NFIA: variants seen among roughly 807,000 people sequenced by gnomAD.
NFIA encodes nuclear factor I A.
A neutral mutation model predicts 62.8 loss-of-function variants in NFIA; 8 were observed. The observed-to-expected ratio is 0.13, with a 90% CI of 0.07 to 0.23. NFIA has a LOEUF of 0.23. NFIA is among the 10% of genes least tolerant of loss of function. NFIA has a pLI of 1.00. For synonymous variants in NFIA, 235 were observed against 238.1 expected (o/e 0.99, Z 0.12); for missense variants, 410 against 642.1 (o/e 0.64, Z 3.91).
intron 3 of NFIA, among the ~76,000 whole-genome samples, chr1:61,282,972 A>T (rs1183011466): frequency 6.6e-6 from 1 of 152,204 alleles, no homozygotes; most frequent in Non-Finnish European, 1.5e-5. Context: ...GGGTCTTTGC[A>T]ATCAGTGGAA....
intron 2 of NFIA, among the ~76,000 whole-genome samples, chr1:61,260,447 G>A (rs1373515294): frequency 3.3e-5 from 5 of 152,204 alleles, no homozygotes; most frequent in African/African-American, 1.2e-4. Context: ...ACAGAGCTTG[G>A]TGAGCCTTTT....
intron 2 of NFIA, among the ~76,000 whole-genome samples, chr1:61,174,599 C>G (rs563030451): frequency 2.6e-5 from 4 of 152,196 alleles, no homozygotes; most frequent in Non-Finnish European, 5.9e-5. Context: ...TGCTCCAAAA[C>G]TACTGAGTAG....
At chr1:61,443,892 T>G (rs966363933) in intron 10 of NFIA, among the ~76,000 whole-genome samples, 1 of 152,178 alleles carries the variant, frequency 6.6e-6, no homozygotes, top group Non-Finnish European at 1.5e-5. Context: ...CTCTCCAGAT[T>G]GGTTCCCTGT....
At chr1:61,206,040 C>T (rs909679406) in intron 2 of NFIA, among the ~76,000 whole-genome samples, 1 of 151,750 alleles carries the variant, frequency 6.6e-6, no homozygotes, top group Non-Finnish European at 1.5e-5. Context: ...CTCAGCCTCC[C>T]GAGTAGCTGG....
intron 2 of NFIA, among the ~76,000 whole-genome samples, chr1:61,188,116 C>T (rs1200803396): frequency 6.6e-6 from 1 of 151,960 alleles, no homozygotes; most frequent in Non-Finnish European, 1.5e-5. Context: ...GGTGCGATCT[C>T]GGCTCACTGC....
rs140596940 is a variant in NFIA, at chr1:61,172,636, G to C, written c.559+83956G>C. Among the ~76,000 whole-genome samples the C allele has an allele frequency of 9.2e-3, 1,395 of 152,290 alleles. 17 individuals are homozygous for C. Among genetic ancestry groups the C allele is most frequent in the Middle Eastern group, 0.061 (18 of 294 alleles). ...AGCCCTGTGTTCTAGACTAGGGAAG[G>C]TCAGCTCTTTTTATAGTCAGAGGTC... On this transcript the variant is annotated intron_variant, in intron 2 of 10. Coordinates refer to ENST00000403491, the MANE Select transcript of NFIA (RefSeq NM_001134673.4).
chr1:61,246,550 TC>T (rs1250632105), intron 2 of NFIA, among the ~76,000 whole-genome samples: 1 of 152,070 alleles, frequency 6.6e-6, no homozygotes, highest in Non-Finnish European at 1.5e-5. Flanking sequence ...AGTTTCCTCT[TC>T]TGAAAAATGA....
At position 61,228,005 on chromosome 1, in the gene NFIA, G is replaced by T. The variant is rs542024032; in HGVS notation, c.560-49515G>T. On this transcript the variant is annotated intron_variant, in intron 2 of 10. Coordinates refer to ENST00000403491, the MANE Select transcript of NFIA (RefSeq NM_001134673.4). Reference sequence around the variant, plus strand: ...AAGTTGATGCCATTTCCCTCTTCCCGGCTCAATGACCACTATCTCTCAGAT... The same window carrying T: ...AAGTTGATGCCATTTCCCTCTTCCCTGCTCAATGACCACTATCTCTCAGAT... Among the ~76,000 whole-genome samples the T allele has an allele frequency of 2.0e-5, 3 of 152,104 alleles. No homozygotes were observed. In the East Asian group the frequency reaches 5.8e-4, roughly 29 times the overall value.
At chr1:61,173,254 G>A (rs557079202) in intron 2 of NFIA, among the ~76,000 whole-genome samples, 1 of 152,336 alleles carries the variant, frequency 6.6e-6, no homozygotes, top group South Asian at 2.1e-4. Flanking sequence ...AGATCTGAGA[G>A]AGTCACATTG....
At chr1:61,133,830 T>C (rs1021170931) in intron 2 of NFIA, among the ~76,000 whole-genome samples, 1 of 151,664 alleles carries the variant, frequency 6.6e-6, no homozygotes, top group Non-Finnish European at 1.5e-5. Context: ...GGCAACATAG[T>C]GAGACCCTGT....
At chr1:61,264,581 G>A (rs1201452477) in intron 2 of NFIA, among the ~76,000 whole-genome samples, 1 of 145,354 alleles carries the variant, frequency 6.9e-6, no homozygotes, top group Non-Finnish European at 1.5e-5. Context: ...AACCCGGAAG[G>A]CGAAGGTTGC....
At chr1:61,212,045 G>T (rs1168254082) in intron 2 of NFIA, among the ~76,000 whole-genome samples, 1 of 152,168 alleles carries the variant, frequency 6.6e-6, no homozygotes, top group Non-Finnish European at 1.5e-5. Flanking sequence ...TTAGGGTGTG[G>T]ATTTAAATTA....
chr1:61,237,476 T>C (rs534209541), intron 2 of NFIA, among the ~76,000 whole-genome samples: 2 of 152,332 alleles, frequency 1.3e-5, no homozygotes, highest in Admixed American at 1.3e-4. Flanking sequence ...ATTGTGCTTA[T>C]GTATATTAAA....
intron 3 of NFIA, among the ~76,000 whole-genome samples, chr1:61,291,898 T>C (rs921917542): frequency 6.6e-6 from 1 of 152,194 alleles, no homozygotes; most frequent in Non-Finnish European, 1.5e-5. Context: ...CATTATGTAT[T>C]ACATTATTGA....
chr1:61,388,321 C>T (rs1230364560), intron 7 of NFIA, among the ~76,000 whole-genome samples: 1 of 152,036 alleles, frequency 6.6e-6, no homozygotes, highest in Non-Finnish European at 1.5e-5. Context: ...AAAATTGTAA[C>T]CATAGTAAAG....
chr1:61,150,322 T>G, intron 2 of NFIA, among the ~76,000 whole-genome samples: 1 of 152,126 alleles, frequency 6.6e-6, no homozygotes, highest in Admixed American at 6.5e-5. Context: ...GGCAAGTGCC[T>G]CCTCCTGATG....
At chr1:61,263,448 G>A (rs1482087115) in intron 2 of NFIA, among the ~76,000 whole-genome samples, 1 of 152,250 alleles carries the variant, frequency 6.6e-6, no homozygotes, top group African/African-American at 2.4e-5. Context: ...AGAACTGCTC[G>A]CTTGTGTTTT....
intron 6 of NFIA, 132 bp downstream of exon 6, chr1:61,359,406 TG>T (rs1255640452): frequency 1.5e-6 from 2 of 1,302,442 alleles, no homozygotes; most frequent in Non-Finnish European, 2.1e-6. Context: ...AGCACTTGTT[TG>T]TATTGTAATC....
chr1:61,205,353 G>A (rs1652825066), intron 2 of NFIA, among the ~76,000 whole-genome samples: 1 of 152,144 alleles, frequency 6.6e-6, no homozygotes, highest in African/African-American at 2.4e-5. Flanking sequence ...GATTCAAGAG[G>A]TGTTTCATCA....
Sources: gnomAD v4.1 joint callset for allele counts (sites outside exome capture counted in the v4.1 genomes callset) on GRCh38, gnomAD v4.1.1 for gene constraint, MANE v1.5 for transcripts, NCBI Gene and HGNC (gene_info 2026-07-23, HGNC 2026-07-21) for gene names.